Variants in HECTD4 observed in about 807,000 individuals in gnomAD.
The protein encoded by HECTD4 is HECT domain E3 ubiquitin protein ligase 4.
A neutral mutation model predicts 471.5 loss-of-function variants in HECTD4; 114 were observed. That is an observed-to-expected ratio of 0.24 (90% confidence interval 0.21 to 0.28). HECTD4 has a LOEUF of 0.28. Among genes scored for constraint, HECTD4 ranks in the 10% least tolerant of loss-of-function variants. The pLI is 1.00. For synonymous variants in HECTD4, 2,012 were observed against 2,256.0 expected, an observed-to-expected ratio of 0.89 and a Z score of 3.07; for missense variants, 3,866 against 5,651.5, an observed-to-expected ratio of 0.68 and a Z score of 10.13.
intron 7 of HECTD4, among the ~76,000 whole-genome samples, chr12:112,283,752 A>C (rs535923255): frequency 1.3e-5 from 2 of 152,338 alleles, no homozygotes; most frequent in African/African-American, 4.8e-5. Flanking sequence ...CCAGCTGCTC[A>C]GGCCCTGGCA....
Position 112,162,052 on chromosome 12 carries a change from T to C in HECTD4, c.*335A>G, listed in dbSNP as rs193152225. ...CCCCCGGCTTCCTGCTGGGTGGTTCTGTGATGGGGAACCAGCTGGGGCCTT... is the reference window on the plus strand; with the variant it reads ...CCCCCGGCTTCCTGCTGGGTGGTTCCGTGATGGGGAACCAGCTGGGGCCTT... On this transcript the variant is annotated 3_prime_UTR_variant, in exon 76 of 76. Coordinates refer to ENST00000682272, the MANE Select transcript of HECTD4 (RefSeq NM_001388303.1). The surrounding 1 kb of genome is among the most constrained non-coding windows in gnomAD (Gnocchi z 5.2). 1.3e-5 allele frequency: 3 copies of C among 230,354 alleles called. No homozygotes were observed. Among genetic ancestry groups the C allele is most frequent in the African/African-American group, 4.5e-5 (2 of 44,408 alleles). 14.3% of individuals were successfully genotyped at this position (230,354 alleles called of 1,614,324 possible). A position where few individuals can be genotyped will look rare whatever the true frequency, so the allele number is the denominator to read the frequency against.
chr12:112,199,138 T>G (rs1423607832), intron 55 of HECTD4, among the ~76,000 whole-genome samples: 3 of 152,092 alleles, frequency 2.0e-5, no homozygotes, highest in Non-Finnish European at 4.4e-5. Flanking sequence ...GACACTTGGG[T>G]AGGTATGTAG....
At chr12:112,323,596 GA>G (rs886312326) in intron 1 of HECTD4, among the ~76,000 whole-genome samples, 45 of 143,864 alleles carry the variant, frequency 3.1e-4, no homozygotes, top group East Asian at 6.0e-4. Context: ...GACATTCTGG[GA>G]AAAAAAAAAA....
At chr12:112,347,003 C>T (rs550582096) in intron 1 of HECTD4, among the ~76,000 whole-genome samples, 86 of 152,162 alleles carry the variant, frequency 5.7e-4, no homozygotes, top group Non-Finnish European at 1.1e-3. Flanking sequence ...TTTTGAAAAC[C>T]TCTGCACATC....
intron 11 of HECTD4, among the ~76,000 whole-genome samples, chr12:112,272,975 G>A (rs1426894222): frequency 6.6e-6 from 1 of 152,198 alleles, no homozygotes; most frequent in Non-Finnish European, 1.5e-5. Context: ...TGCAGACTGA[G>A]GTGGAGGATA....
chr12:112,344,942 A>T (rs1484703848), intron 1 of HECTD4, among the ~76,000 whole-genome samples: 1 of 151,892 alleles, frequency 6.6e-6, no homozygotes, highest in African/African-American at 2.4e-5. Context: ...AGAAGAGAAG[A>T]GAAGAGAGAA....
At position 112,279,225 on chromosome 12, in the gene HECTD4, T is replaced by C. The variant is rs2034586850; in HGVS notation, c.1687+3A>G. ...GAAAGTGCCACAAGTAAAATTCACT[T>C]ACTTTTTAAAGATGACAAACCACTT... is the stretch of plus-strand genomic sequence containing the variant. On this transcript the variant is annotated splice_donor_region_variant and intron_variant, in intron 9 of 75. Transcript: ENST00000682272. The C allele has an allele frequency of 5.0e-6, 8 of 1,603,268 alleles. No individual in the cohort carries two copies. The East Asian group carries it at 1.8e-4, about 36-fold the overall frequency.
intron 23 of HECTD4, among the ~76,000 whole-genome samples, chr12:112,251,873 G>C (rs1245953624): frequency 6.6e-6 from 1 of 152,176 alleles, no homozygotes; most frequent in Non-Finnish European, 1.5e-5. Flanking sequence ...CCTGGTTCAA[G>C]CGATTCTCCT....
At chr12:112,252,819 T>G (rs1419448798) in intron 22 of HECTD4, among the ~76,000 whole-genome samples, 1 of 151,886 alleles carries the variant, frequency 6.6e-6, no homozygotes, top group African/African-American at 2.4e-5. Flanking sequence ...AATTTTTTTT[T>G]TTTTTTTTGA....
At chr12:112,275,884 A>G (rs894855775) in intron 9 of HECTD4, among the ~76,000 whole-genome samples, 1 of 152,126 alleles carries the variant, frequency 6.6e-6, no homozygotes, top group Non-Finnish European at 1.5e-5. Flanking sequence ...AACCATACAT[A>G]TGCTTTCTCC....
At chr12:112,333,135 C>T (rs566076087) in intron 1 of HECTD4, among the ~76,000 whole-genome samples, 70 of 152,224 alleles carry the variant, frequency 4.6e-4, no homozygotes, top group African/African-American at 1.6e-3. Context: ...TTTTCATTTT[C>T]GGCTATTACG....
At chr12:112,360,700 T>A (rs972511249) in intron 1 of HECTD4, among the ~76,000 whole-genome samples, 2 of 152,180 alleles carry the variant, frequency 1.3e-5, no homozygotes, top group African/African-American at 4.8e-5. Flanking sequence ...AAAGGTAAGA[T>A]TGGCCGGGGG....
chr12:112,369,023 C>T (rs558483717), intron 1 of HECTD4, among the ~76,000 whole-genome samples: 3 of 152,286 alleles, frequency 2.0e-5, no homozygotes, highest in East Asian at 1.9e-4. Context: ...GCAGCTCCCT[C>T]GCTCTCCTGG....
chr12:112,248,111 G>C lies in HECTD4; in HGVS notation c.4204C>G (p.Leu1402Val). 1 of 1,613,528 alleles carries C rather than the reference G, an allele frequency of 6.2e-7. No homozygotes were observed. The highest frequency in any genetic ancestry group is 1.1e-5 in the South Asian group (1 of 91,022). Residue 1402 changes from leucine (L) to valine (V), a missense_variant, in exon 27 of 76, where the codon CTG becomes GTG. Physicochemically the swap from Leu to Val is conservative, Grantham distance 32. Coordinates refer to ENST00000682272, the MANE Select transcript of HECTD4 (RefSeq NM_001388303.1). ...TAAAAGAAAGGCATGTTGTTCTCCA[G>C]TTTCCCCTGCATGGCATCATCAACT... The part of the protein sequence containing the change: ...SEVDDAMQGK[L>V]ENNMPFFYDY...
chr12:112,293,452 G>A (rs1368124011), intron 7 of HECTD4, among the ~76,000 whole-genome samples: 1 of 152,122 alleles, frequency 6.6e-6, no homozygotes, highest in Non-Finnish European at 1.5e-5. Flanking sequence ...TGAGGCAGGA[G>A]GATTTATTGA....
chr12:112,238,492 C>T (rs548344566), intron 34 of HECTD4, among the ~76,000 whole-genome samples: 32 of 152,242 alleles, frequency 2.1e-4, no homozygotes, highest in Admixed American at 4.6e-4. Context: ...CGCCAAGGCG[C>T]GAGGACTGCT....
At chr12:112,227,133 C>T (rs1365980458) in intron 43 of HECTD4, among the ~76,000 whole-genome samples, 1 of 152,160 alleles carries the variant, frequency 6.6e-6, no homozygotes, top group African/African-American at 2.4e-5. Flanking sequence ...TCGCTCTCAC[C>T]TGATTCAAAA....
chr12:112,223,996 T>G (rs543471109), intron 44 of HECTD4, among the ~76,000 whole-genome samples: 2 of 152,222 alleles, frequency 1.3e-5, no homozygotes, highest in South Asian at 4.2e-4. Flanking sequence ...AGTAAAAAAT[T>G]TTAATACCTT....
chr12:112,205,483 T>C (rs541031129), intron 52 of HECTD4, among the ~76,000 whole-genome samples: 3 of 152,242 alleles, frequency 2.0e-5, no homozygotes, highest in Non-Finnish European at 2.9e-5. Flanking sequence ...CAGTACAAAA[T>C]GACTAAAAAT....
Sources: allele counts gnomAD v4.1 joint callset (sites outside exome capture counted in the v4.1 genomes callset), GRCh38; gene constraint gnomAD v4.1.1; non-coding constraint Gnocchi (gnomAD v3.1); transcripts MANE v1.5; gene names NCBI Gene and HGNC (gene_info 2026-07-23, HGNC 2026-07-21).